Variants in ALPL observed in about 807,000 individuals in gnomAD.
ALPL encodes alkaline phosphatase, biomineralization associated.
A neutral mutation model predicts 51.3 loss-of-function variants in ALPL; 42 were observed. That is an observed-to-expected ratio of 0.82 (90% confidence interval 0.64 to 1.06). The LOEUF (loss-of-function observed/expected upper bound fraction) is 1.06. ALPL is among the 50% of genes least tolerant of loss of function. The pLI is 0.00. For synonymous variants in ALPL, 279 were observed against 296.4 expected (o/e 0.94, Z 0.60); for missense variants, 589 against 709.4 (o/e 0.83, Z 1.93).
intron 2 of ALPL, among the ~76,000 whole-genome samples, chr1:21,557,786 ATACATAGCC>A (rs1448538506): frequency 2.0e-5 from 3 of 152,188 alleles, no homozygotes; most frequent in Admixed American, 6.5e-5. Context: ...CCGATCTTAA[ATACATAGCC>A]TGAAAAAATT....
In ALPL at chr1:21,570,402, G is replaced by A. The variant is rs60096575; in HGVS notation, c.862+28G>A. ...AAGTGGAGGGGGTGGAGGGGAGGAT[G>A]CATGGCTCGGAGCCTGGTGGCCGGA... On this transcript the variant is annotated intron_variant, in intron 8 of 11. Coordinates refer to ENST00000374840, the MANE Select transcript of ALPL (RefSeq NM_000478.6). 1.8e-3 allele frequency: 2,835 copies of A among 1,609,584 alleles called. 55 individuals are homozygous for A. In the African/African-American group the frequency reaches 0.033, roughly 18 times the overall value.
At chr1:21,576,448 G>T in intron 10 of ALPL, 74 bp from the exon 11 acceptor site, 1 of 1,575,470 alleles carries the variant, frequency 6.3e-7, no homozygotes, top group Non-Finnish European at 8.7e-7. Context: ...AGCCACCAAG[G>T]AGCCTAATCT....
intron 4 of ALPL, among the ~76,000 whole-genome samples, chr1:21,562,264 T>C (rs1230700058): frequency 6.6e-6 from 1 of 152,260 alleles, no homozygotes; most frequent in South Asian, 2.1e-4. Flanking sequence ...AGTGAGCTCA[T>C]GTTTTTGGAA....
At chr1:21,532,582 G>A (rs1408191989) in intron 1 of ALPL, among the ~76,000 whole-genome samples, 4 of 152,236 alleles carry the variant, frequency 2.6e-5, no homozygotes, top group African/African-American at 9.6e-5. Flanking sequence ...AGTAGAATGA[G>A]AGAGTGTAAA....
intron 1 of ALPL, among the ~76,000 whole-genome samples, chr1:21,522,274 C>T (rs763723646): frequency 6.6e-6 from 1 of 152,124 alleles, no homozygotes; most frequent in African/African-American, 2.4e-5. Context: ...CAGGGTTTCA[C>T]CATGTTAGCC....
intron 1 of ALPL, among the ~76,000 whole-genome samples, chr1:21,551,925 C>T (rs1284282539): frequency 6.6e-6 from 1 of 151,026 alleles, no homozygotes; most frequent in Non-Finnish European, 1.5e-5. Flanking sequence ...CGGGGTTTCA[C>T]TGTGTTAGCC....
In ALPL at chr1:21,570,380, T is replaced by C. The variant is rs956701286; in HGVS notation, c.862+6T>C. ...CAATGTGGACTACCTATTGGGTAAG[T>C]GGAGGGGGTGGAGGGGAGGATGCAT... On this transcript the variant is annotated splice_donor_region_variant and intron_variant, in intron 8 of 11. Coordinates refer to ENST00000374840, the MANE Select transcript of ALPL (RefSeq NM_000478.6). 5 of 1,613,130 alleles carry C rather than the reference T, an allele frequency of 3.1e-6. No homozygotes were observed. The highest frequency in any genetic ancestry group is 1.7e-5 in the Admixed American group (1 of 59,976).
At chr1:21,526,180 C>G (rs1392219468) in intron 1 of ALPL, among the ~76,000 whole-genome samples, 2 of 152,054 alleles carry the variant, frequency 1.3e-5, no homozygotes, top group African/African-American at 2.4e-5. Flanking sequence ...GTCTCTGTCT[C>G]CCAGGCTGGA....
Position 21,564,299 on chromosome 1 carries a change from G to T in ALPL, c.648+83G>T. Reference sequence around the variant, plus strand: ...GGAGGCCTCAGGCCCAGGCTGGCCCGGAGAAAGCAGCCTGGCCTGGCTCCC... The same window carrying T: ...GGAGGCCTCAGGCCCAGGCTGGCCCTGAGAAAGCAGCCTGGCCTGGCTCCC... On this transcript the variant is annotated intron_variant, in intron 6 of 11. Coordinates refer to ENST00000374840, the MANE Select transcript of ALPL (RefSeq NM_000478.6). The surrounding 1 kb of genome is among the most constrained non-coding windows in gnomAD (Gnocchi z 5.8). 6.5e-7 allele frequency: 1 copy of T among 1,549,446 alleles called. No individual in the cohort carries two copies. Among genetic ancestry groups the T allele is most frequent in the Non-Finnish European group, 8.8e-7 (1 of 1,137,452 alleles).
At chr1:21,531,728 C>T (rs1644032833) in intron 1 of ALPL, among the ~76,000 whole-genome samples, 3 of 152,210 alleles carry the variant, frequency 2.0e-5, no homozygotes, top group South Asian at 2.1e-4. Flanking sequence ...ACTCCAACCC[C>T]ACACCCAGCT....
intron 1 of ALPL, among the ~76,000 whole-genome samples, chr1:21,519,040 C>T (rs1045870694): frequency 1.3e-5 from 2 of 152,220 alleles, no homozygotes; most frequent in East Asian, 1.9e-4. Context: ...ATGCAACAAG[C>T]GCTACTCAGC....
In ALPL at chr1:21,563,262, C is replaced by T. The variant is rs1383812469; in HGVS notation, c.450C>T (p.Ile150=). 6.2e-7 allele frequency: 1 copy of T among 1,612,972 alleles called. No homozygotes were observed. Among genetic ancestry groups the T allele is most frequent in the African/African-American group, 1.3e-5 (1 of 75,016 alleles). Reference sequence around the variant, plus strand: ...CCCAGGGGAACGAGGTCACCTCCATCCTGCGCTGGGCCAAGGACGCTGGTG... The same window carrying T: ...CCCAGGGGAACGAGGTCACCTCCATTCTGCGCTGGGCCAAGGACGCTGGTG... ...NTTQGNEVTS[I]LRWAKDAGKS... Residue 150 remains isoleucine, a synonymous_variant, in exon 5 of 12, where the codon ATC becomes ATT. Coordinates refer to ENST00000374840, the MANE Select transcript of ALPL (RefSeq NM_000478.6).
At chr1:21,562,984 C>T in intron 4 of ALPL, 126 bp from the exon 5 acceptor site, 1 of 1,308,262 alleles carries the variant, frequency 7.6e-7, no homozygotes, top group Non-Finnish European at 1.1e-6. Flanking sequence ...GGCAGTGGGC[C>T]TGGTCAAGGC....
intron 1 of ALPL, among the ~76,000 whole-genome samples, chr1:21,553,075 T>TGAAAA (rs1553410594): frequency 6.6e-6 from 1 of 151,492 alleles, no homozygotes; most frequent in Non-Finnish European, 1.5e-5. Context: ...TTCAAAAAAA[T>TGAAAA]AAAGAGGAAA....
intron 2 of ALPL, among the ~76,000 whole-genome samples, chr1:21,556,646 A>G (rs1317465998): frequency 7.0e-6 from 1 of 143,852 alleles, no homozygotes; most frequent in Non-Finnish European, 1.5e-5. Context: ...CATAAAAAGA[A>G]ACCAGCTTCT....
At position 21,564,133 on chromosome 1, in the gene ALPL, GACA is replaced by G. The variant is rs1644529451; in HGVS notation, c.568_570del (p.Asn190del). The stretch of plus-strand genomic sequence containing the variant: ...CTCGGCTGACCGGGACTGGTACTCA[GACA>G]ACGAGATGCCCCCTGAGGCCTTGAG... On this transcript the variant is annotated inframe_deletion, in exon 6 of 12. Coordinates refer to ENST00000374840, the MANE Select transcript of ALPL (RefSeq NM_000478.6). This position sits in a 1 kb window ranked among gnomAD's most constrained non-coding sequence, Gnocchi z 5.8. 1 of 1,614,104 alleles carries G rather than the reference GACA, an allele frequency of 6.2e-7. No homozygotes were observed. The highest frequency in any genetic ancestry group is 1.1e-5 in the South Asian group (1 of 91,084).
At chr1:21,558,229 C>T (rs565246067) in intron 2 of ALPL, among the ~76,000 whole-genome samples, 10 of 152,196 alleles carry the variant, frequency 6.6e-5, no homozygotes, top group African/African-American at 1.2e-4. Flanking sequence ...GCAGGGGACC[C>T]GGTGGCAGAG....
chr1:21,572,026 G>A (rs1476816345), intron 8 of ALPL, among the ~76,000 whole-genome samples: 1 of 152,114 alleles, frequency 6.6e-6, no homozygotes, highest in Non-Finnish European at 1.5e-5. Context: ...TTAGCCAGGT[G>A]TGGTGGTGCC....
intron 1 of ALPL, among the ~76,000 whole-genome samples, chr1:21,547,188 C>G (rs1644263532): frequency 6.6e-6 from 1 of 152,252 alleles, no homozygotes; most frequent in Non-Finnish European, 1.5e-5. Flanking sequence ...AATGAACAAG[C>G]ATCGGGCCCT....
Sources: allele counts gnomAD v4.1 joint callset (sites outside exome capture counted in the v4.1 genomes callset), GRCh38; gene constraint gnomAD v4.1.1; non-coding constraint Gnocchi (gnomAD v3.1); transcripts MANE v1.5; gene names NCBI Gene and HGNC (gene_info 2026-07-23, HGNC 2026-07-21).